The following ATP9B variants were observed in gnomAD, a reference collection of about 807,000 sequenced individuals.
ATP9B encodes the protein probable phospholipid-transporting ATPase IIB.
A neutral mutation model predicts 146.1 loss-of-function variants in ATP9B; 110 were observed. The ratio of observed to expected loss-of-function variants is 0.75; its 90% confidence interval spans 0.65 to 0.88. The LOEUF (loss-of-function observed/expected upper bound fraction) is 0.88. Among genes scored for constraint, ATP9B ranks in the 40% least tolerant of loss-of-function variants. The pLI, the probability that ATP9B is intolerant of heterozygous loss-of-function variation, is 0.00. For synonymous variants in ATP9B, 604 were observed against 569.7 expected (o/e 1.06, Z -0.86); for missense variants, 1,499 against 1,496.4 (o/e 1.00, Z -0.03).
Position 79,069,910 on chromosome 18 carries a change from G to C in ATP9B, c.119+381G>C, listed in dbSNP as rs140465874. Among the ~76,000 whole-genome samples, 534 of 152,378 alleles carry C rather than the reference G, an allele frequency of 3.5e-3. 4 individuals are homozygous for C. Among genetic ancestry groups the C allele is most frequent in the South Asian group, 0.02 (99 of 4,830 alleles). The stretch of plus-strand genomic sequence containing the variant: ...TTCTTGTAGCCCTGTGAATTGTGAA[G>C]GTGACGGATGTAACTTTTAATTGCT... On this transcript the variant is annotated intron_variant, in intron 1 of 29. Transcript: ENST00000426216.
chr18:79,297,649 T>C (rs568809573), intron 13 of ATP9B, among the ~76,000 whole-genome samples: 50 of 152,364 alleles, frequency 3.3e-4, no homozygotes, highest in African/African-American at 1.2e-3. Flanking sequence ...GTTTGTACTT[T>C]ACAGATCAAA....
chr18:79,159,399 A>G lies in ATP9B; in HGVS notation c.778+4844A>G, dbSNP rs548536692. 1.2e-4 allele frequency among the ~76,000 whole-genome samples: 18 copies of G among 152,184 alleles called. 1 individual carries two copies. The highest frequency in any genetic ancestry group is 4.1e-4 in the African/African-American group (17 of 41,536). ...GTCTCTCCAGTGTCTCTTCTCTCAT[A>G]CCTGGCTGTAGAGTTCCAACTCAGA... On this transcript the variant is annotated intron_variant, in intron 7 of 29. Transcript: ENST00000426216.
chr18:79,285,469 T>G (rs1367349122), intron 13 of ATP9B, among the ~76,000 whole-genome samples: 3 of 152,216 alleles, frequency 2.0e-5, no homozygotes, highest in African/African-American at 7.2e-5. Flanking sequence ...GATGGGGTTG[T>G]TTTTTTCTTG....
chr18:79,256,234 G>A (rs1319556264), intron 12 of ATP9B, among the ~76,000 whole-genome samples: 1 of 125,624 alleles, frequency 8.0e-6, no homozygotes, highest in Non-Finnish European at 1.6e-5. Flanking sequence ...ATTTTCCCAT[G>A]CCATTTTGTG....
At chr18:79,278,664 T>C (rs2096341596) in intron 13 of ATP9B, among the ~76,000 whole-genome samples, 1 of 152,124 alleles carries the variant, frequency 6.6e-6, no homozygotes, top group Non-Finnish European at 1.5e-5. Flanking sequence ...GGATTTGTGT[T>C]TGAGTTCCAT....
Position 79,069,415 on chromosome 18 carries a change from C to G in ATP9B, c.5C>G (p.Ala2Gly). 2.0e-6 allele frequency: 3 copies of G among 1,514,916 alleles called. No individual in the cohort carries two copies. The highest frequency in any genetic ancestry group is 1.4e-5 in the African/African-American group (1 of 69,712). The allele number at this position is 1,514,916 out of a possible 1,614,324, so 93.8% of individuals were successfully genotyped here. The stretch of plus-strand genomic sequence containing the variant: ...CGGGAAAGGGGCGGTCGGAACATGG[C>G]GGACCAGATCCCGCTTTACCCGGTG... MADQIPLYPVRS... is the reference protein window; with the variant it reads MGDQIPLYPVRS... Residue 2 changes from alanine (A) to glycine (G), a missense_variant, in exon 1 of 30, where the codon GCG becomes GGG. Transcript: ENST00000426216.
At chr18:79,184,341 G>C (rs1034075859) in intron 8 of ATP9B, among the ~76,000 whole-genome samples, 2 of 152,076 alleles carry the variant, frequency 1.3e-5, no homozygotes, top group African/African-American at 2.4e-5. Context: ...GAGAGTTAAG[G>C]TTAAGTAGGT....
intron 26 of ATP9B, among the ~76,000 whole-genome samples, chr18:79,365,394 A>G (rs1384492472): frequency 1.3e-5 from 2 of 152,184 alleles, no homozygotes; most frequent in South Asian, 2.1e-4. Context: ...ACTCCCCTTC[A>G]CTGCTAGGGT....
At chr18:79,377,185 G>A in intron 29 of ATP9B, 62 bp from the exon 30 acceptor site, 3 of 1,593,794 alleles carry the variant, frequency 1.9e-6, no homozygotes, top group East Asian at 2.2e-5. Flanking sequence ...CTGTGGCTGT[G>A]GCCATGAGGG....
At chr18:79,140,210 C>T (rs769591754) in intron 5 of ATP9B, among the ~76,000 whole-genome samples, 4 of 152,002 alleles carry the variant, frequency 2.6e-5, no homozygotes, top group East Asian at 1.9e-4. Flanking sequence ...GAGCAGGGGC[C>T]GACAGAGATG....
At chr18:79,322,352 G>T (rs945255426) in intron 15 of ATP9B, among the ~76,000 whole-genome samples, 2 of 152,210 alleles carry the variant, frequency 1.3e-5, no homozygotes, top group Non-Finnish European at 2.9e-5. Flanking sequence ...TTGAGACAGC[G>T]AGTGTTGACA....
chr18:79,080,434 CTCTT>C (rs1402652066), intron 1 of ATP9B, among the ~76,000 whole-genome samples: 6 of 152,140 alleles, frequency 3.9e-5, no homozygotes, highest in Non-Finnish European at 8.8e-5. Context: ...CATGATTTGG[CTCTT>C]TGTCTATTGG....
chr18:79,335,231 A>G (rs1034242154), intron 17 of ATP9B, among the ~76,000 whole-genome samples: 11 of 152,204 alleles, frequency 7.2e-5, no homozygotes, highest in Non-Finnish European at 1.6e-4. Context: ...TCGTTCATGT[A>G]AGCAATATGG....
intron 15 of ATP9B, among the ~76,000 whole-genome samples, chr18:79,315,435 G>T (rs1480581622): frequency 1.3e-5 from 2 of 152,172 alleles, no homozygotes; most frequent in Non-Finnish European, 2.9e-5. Flanking sequence ...TGATCAAATT[G>T]CATCTTATGT....
chr18:79,147,200 T>C (rs745934119), intron 6 of ATP9B, among the ~76,000 whole-genome samples: 1 of 152,032 alleles, frequency 6.6e-6, no homozygotes, highest in East Asian at 1.9e-4. Flanking sequence ...TCCATAAAAT[T>C]CGTGAATCAA....
At chr18:79,251,884 G>T (rs2145041965) in intron 11 of ATP9B, among the ~76,000 whole-genome samples, 1 of 152,304 alleles carries the variant, frequency 6.6e-6, no homozygotes, top group Non-Finnish European at 1.5e-5. Flanking sequence ...TCCAGATTCA[G>T]GAGAAATTGA....
At chr18:79,331,034 A>G (rs2096787390) in intron 17 of ATP9B, among the ~76,000 whole-genome samples, 1 of 152,250 alleles carries the variant, frequency 6.6e-6, no homozygotes, top group African/African-American at 2.4e-5. Context: ...CCTGAAGTAA[A>G]TAGGATTTGT....
At chr18:79,351,951 G>A (rs534096989) in intron 25 of ATP9B, among the ~76,000 whole-genome samples, 6 of 152,218 alleles carry the variant, frequency 3.9e-5, no homozygotes, top group South Asian at 2.1e-4. Context: ...TGCCCTCCCC[G>A]AGAAAGAGAG....
intron 11 of ATP9B, among the ~76,000 whole-genome samples, chr18:79,232,711 T>C (rs2095803706): frequency 6.6e-6 from 1 of 152,118 alleles, no homozygotes; most frequent in African/African-American, 2.4e-5. Flanking sequence ...GTGATGCACA[T>C]GTTAAGGGCT....
Sources: gnomAD v4.1 joint callset for allele counts (sites outside exome capture counted in the v4.1 genomes callset) on GRCh38, gnomAD v4.1.1 for gene constraint, MANE v1.5 for transcripts, NCBI Gene and HGNC (gene_info 2026-07-23, HGNC 2026-07-21) for gene names.